LAYN: variants seen among roughly 807,000 people sequenced by gnomAD.
LAYN encodes layilin.
In LAYN, 38 loss-of-function variants were observed where a neutral mutation model predicts 43.6. The observed-to-expected ratio is 0.87, with a 90% CI of 0.67 to 1.14. LAYN has a LOEUF of 1.14. Among genes scored for constraint, LAYN ranks in the 50% most tolerant of loss-of-function variants. The pLI is 0.00. For synonymous variants in LAYN, 168 were observed against 172.9 expected, an observed-to-expected ratio of 0.97 and a Z score of 0.22; for missense variants, 479 against 463.8, an observed-to-expected ratio of 1.03 and a Z score of -0.30.
At chr11:111,559,077 C>CA (rs1301365858) in intron 6 of LAYN, among the ~76,000 whole-genome samples, 1 of 152,106 alleles carries the variant, frequency 6.6e-6, no homozygotes, top group African/African-American at 2.4e-5. Context: ...TGAGCCACCA[C>CA]ACCCGGCCCA....
intron 1 of LAYN, chr11:111,541,664 C>CT: frequency 7.3e-7 from 1 of 1,368,350 alleles, no homozygotes; most frequent in South Asian, 1.2e-5. Context: ...TTCTCAGATC[C>CT]TTTTTGCGGG....
At chr11:111,541,379 C>T in intron 1 of LAYN, 3 of 638,782 alleles carry the variant, frequency 4.7e-6, no homozygotes, top group Non-Finnish European at 8.4e-6. Flanking sequence ...GATGCTGGAT[C>T]CCCGGTGCCG....
rs1867561046 is a variant in LAYN, at chr11:111,542,271, T to A, written c.85+1343T>A. On this transcript the variant is annotated intron_variant, in intron 1 of 6. Transcript: ENST00000375614. The stretch of plus-strand genomic sequence containing the variant: ...CTCTGAATACCTTCTTGCAAGCAGG[T>A]CTGGCTTTTGAACCCTCCTAATGTG... 2.0e-5 allele frequency among the ~76,000 whole-genome samples: 3 copies of A among 152,320 alleles called. No individual in the cohort carries two copies. In the East Asian group the frequency reaches 5.8e-4, roughly 29 times the overall value.
chr11:111,546,236 A>G (rs564789139), intron 2 of LAYN, among the ~76,000 whole-genome samples: 31 of 152,242 alleles, frequency 2.0e-4, no homozygotes, highest in African/African-American at 7.2e-4. Flanking sequence ...TCTTCTATGT[A>G]TAGTCACATC....
chr11:111,546,715 G>T (rs1427702149), intron 2 of LAYN, among the ~76,000 whole-genome samples: 1 of 152,210 alleles, frequency 6.6e-6, no homozygotes, highest in Non-Finnish European at 1.5e-5. Flanking sequence ...TTCCAAGCTT[G>T]CCTAATCTCC....
chr11:111,545,226 G>A (rs1351233795), intron 2 of LAYN, among the ~76,000 whole-genome samples: 1 of 152,022 alleles, frequency 6.6e-6, no homozygotes, highest in Non-Finnish European at 1.5e-5. Context: ...TAGAAAGGAG[G>A]GTTAGTAGGA....
rs765226360 is a variant in LAYN at position 111,540,860 on chromosome 11, C to T, written c.17C>T (p.Ala6Val). 2 of 1,531,260 alleles carry T rather than the reference C, an allele frequency of 1.3e-6. No individual in the cohort carries two copies. The highest frequency in any genetic ancestry group is 1.4e-5 in the African/African-American group (1 of 72,630). 94.9% of individuals were successfully genotyped at this position (1,531,260 alleles called of 1,614,324 possible). The change falls in exon 1 of 7, where the codon GCG becomes GTG. Residue 6 changes from alanine to valine, a missense_variant. Transcript: ENST00000375614. ...AGTCGGGCCATGAGGCCGGGAACCG[C>T]GCTACAGGCCGTGCTGCTGGCCGTG... MRPGTALQAVLLAVLL... is the reference protein window; with the variant it reads MRPGTVLQAVLLAVLL...
Position 111,549,623 on chromosome 11 carries a change from G to T in LAYN, c.389G>T (p.Trp130Leu). The T allele has an allele frequency of 1.3e-6, 2 of 1,557,424 alleles. No homozygotes were observed. The highest frequency in any genetic ancestry group is 1.7e-6 in the Non-Finnish European group (2 of 1,158,584). The change falls in exon 3 of 7, where the codon TGG (tryptophan) becomes TTG (leucine). Residue 130 changes from tryptophan to leucine, a missense_variant. Transcript: ENST00000375614. ...TGCTGATCCCTTCCCTACAGGAACTGGTATGTGGATGAGCCATCCTGCGGC... is the reference window on the plus strand; with the variant it reads ...TGCTGATCCCTTCCCTACAGGAACTTGTATGTGGATGAGCCATCCTGCGGC... ...TDGSISQFRN[W>L]YVDEPSCGSE...
rs117912637 is a variant in LAYN at position 111,556,508 on chromosome 11, C to G, written c.659-1033C>G. Among the ~76,000 whole-genome samples the G allele has an allele frequency of 2.2e-4, 33 of 152,292 alleles. 1 individual carries two copies. The East Asian group carries it at 6.2e-3, about 28-fold the overall frequency. On this transcript the variant is annotated intron_variant, in intron 5 of 6. Transcript: ENST00000375614. ...ATAAACCCTCTTATGGTCTGAGGGG[C>G]TCATGAATAACAAATTCACTCCTAT...
At chr11:111,543,368 G>T (rs1867582509) in intron 1 of LAYN, among the ~76,000 whole-genome samples, 1 of 152,178 alleles carries the variant, frequency 6.6e-6, no homozygotes, top group African/African-American at 2.4e-5. Flanking sequence ...GTTGTCTTTA[G>T]GTCAGAGGGC....
At chr11:111,559,121 T>C (rs377379932) in intron 6 of LAYN, among the ~76,000 whole-genome samples, 8 of 152,128 alleles carry the variant, frequency 5.3e-5, no homozygotes, top group East Asian at 1.9e-4. Flanking sequence ...ATAAAATACA[T>C]TGGGTTGCAA....
At chr11:111,541,632 G>A (rs536305133) in intron 1 of LAYN, 7 of 1,509,502 alleles carry the variant, frequency 4.6e-6, no homozygotes, top group Middle Eastern at 1.7e-4. Flanking sequence ...CTGCATGTCG[G>A]GGGGAGAACA....
rs536820699 is a variant in LAYN, at chr11:111,557,759, G to C, written c.761+116G>C. On this transcript the variant is annotated intron_variant, in intron 6 of 6. Coordinates refer to ENST00000375614, the MANE Select transcript of LAYN (RefSeq NM_178834.5). ...CAGCACCAAGAGTATCACCATTGCA[G>C]ATTGGAGAGTGGGTTCTCTGACAGG... The C allele has an allele frequency of 3.5e-6, 3 of 846,336 alleles. No homozygotes were observed. The African/African-American group carries it at 5.0e-5, about 14-fold the overall frequency. 52.4% of individuals were successfully genotyped at this position (846,336 alleles called of 1,614,324 possible).
chr11:111,556,465 C>T (rs1046938746), intron 5 of LAYN, among the ~76,000 whole-genome samples: 5 of 152,180 alleles, frequency 3.3e-5, no homozygotes, highest in East Asian at 3.9e-4. Flanking sequence ...GGCCAGCCCC[C>T]GTCTGAATCA....
chr11:111,553,518 C>T (rs1220111708), intron 3 of LAYN, among the ~76,000 whole-genome samples: 3 of 151,288 alleles, frequency 2.0e-5, no homozygotes, highest in Non-Finnish European at 4.4e-5. Context: ...ACTTCGGAGG[C>T]TGAGGCAGGA....
At position 111,555,212 on chromosome 11, in the gene LAYN, G is replaced by C; in HGVS notation, c.580G>C (p.Glu194Gln). ...GTCCATGTGTCTCTCTCCAGGTGAG[G>C]AAACAGAGCTGACAACACCTGTACT... ...AVPSREAEGE[E>Q]TELTTPVLPE... The change falls in exon 5 of 7, where the codon GAA becomes CAA. Residue 194 changes from glutamate (E) to glutamine (Q), a missense_variant. By Grantham distance (29) the Glu-to-Gln change is conservative. Coordinates refer to ENST00000375614, the MANE Select transcript of LAYN (RefSeq NM_178834.5). The C allele has an allele frequency of 6.2e-7, 1 of 1,612,944 alleles. No individual in the cohort carries two copies. Among genetic ancestry groups the C allele is most frequent in the Non-Finnish European group, 8.5e-7 (1 of 1,179,076 alleles).
chr11:111,541,430 T>G (rs1867536670), intron 1 of LAYN: 2 of 800,494 alleles, frequency 2.5e-6, no homozygotes, highest in Admixed American at 2.0e-5. Flanking sequence ...TCTGCGGGGT[T>G]GGATGGCTGG....
intron 5 of LAYN, 44 bp downstream of exon 5, chr11:111,555,334 C>A: frequency 7.2e-7 from 1 of 1,387,100 alleles, no homozygotes; most frequent in South Asian, 1.2e-5. Flanking sequence ...ATCAGGCTCC[C>A]TTGATTACAA....
At chr11:111,541,492 G>A in intron 1 of LAYN, 1 of 1,411,356 alleles carries the variant, frequency 7.1e-7, no homozygotes, top group Non-Finnish European at 9.7e-7. Flanking sequence ...ACTCCAGTTA[G>A]TGTGGGACGA....
Sources: allele counts gnomAD v4.1 joint callset (sites outside exome capture counted in the v4.1 genomes callset), GRCh38; gene constraint gnomAD v4.1.1; transcripts MANE v1.5; gene names NCBI Gene and HGNC (gene_info 2026-07-23, HGNC 2026-07-21).